Variants in SEC61A2 observed in about 807,000 individuals in gnomAD.
SEC61A2 encodes SEC61 translocon subunit alpha 2, also known as protein transport protein Sec61 subunit alpha isoform 2.
Under a neutral mutation model 59.9 loss-of-function variants are expected in SEC61A2, and 28 were observed. The ratio of observed to expected loss-of-function variants is 0.47; its 90% confidence interval spans 0.35 to 0.64. SEC61A2 has a LOEUF of 0.64. Among genes scored for constraint, SEC61A2 ranks in the 30% least tolerant of loss-of-function variants. The pLI is 0.01. For missense variants in SEC61A2, 340 were observed against 585.9 expected (o/e 0.58, Z 4.33); for synonymous variants, 202 against 214.4 (o/e 0.94, Z 0.50).
In SEC61A2 at chr10:12,157,050, G is replaced by C; in HGVS notation, c.760G>C (p.Val254Leu). 1.2e-6 allele frequency: 2 copies of C among 1,613,902 alleles called. No individual in the cohort carries two copies. Among genetic ancestry groups the C allele is most frequent in the East Asian group, 4.5e-5 (2 of 44,882 alleles). ...NLIATVFVFA[V>L]VIYFQGFRVD... ...CATTGCTACAGTTTTTGTGTTTGCT[G>C]TTGTTATATATTTCCAAGTAAGTAT... The change falls in exon 8 of 12, where the codon GTT becomes CTT. Residue 254 changes from valine to leucine, a missense_variant. Coordinates refer to ENST00000298428, the MANE Select transcript of SEC61A2 (RefSeq NM_018144.4).
At chr10:12,169,210 T>C, downstream of SEC61A2, 1 of 1,305,812 alleles carries the variant, frequency 7.7e-7, no homozygotes, top group East Asian at 2.5e-5. The surrounding 1 kb of genome is among the most constrained non-coding windows in gnomAD (Gnocchi z 4.8). Flanking sequence ...ATAGTAGCCC[T>C]CTCTCCACCT....
Position 12,149,841 on chromosome 10 carries a change from A to G in SEC61A2, c.353-11A>G, listed in dbSNP as rs376045940. 5 of 1,612,422 alleles carry G rather than the reference A, an allele frequency of 3.1e-6. No individual in the cohort carries two copies. The highest frequency in any genetic ancestry group is 1.1e-5 in the South Asian group (1 of 90,980). ...GTAAGCGTGCTCTCCTTTCCCCCCA[A>G]CTTTCATCAGTGTTTGGTATGATCA... On this transcript the variant is annotated splice_polypyrimidine_tract_variant and intron_variant, in intron 5 of 11. Coordinates refer to ENST00000298428, the MANE Select transcript of SEC61A2 (RefSeq NM_018144.4). This position sits in a 1 kb window ranked among gnomAD's most constrained non-coding sequence, Gnocchi z 5.2.
At position 12,160,950 on chromosome 10, in the gene SEC61A2, C is replaced by T. The variant is rs773109987; in HGVS notation, c.996C>T (p.Pro332=). 1.1e-5 allele frequency: 18 copies of T among 1,613,382 alleles called. No individual in the cohort carries two copies. The highest frequency in any genetic ancestry group is 9.3e-5 in the African/African-American group (7 of 74,878). The stretch of plus-strand genomic sequence containing the variant: ...TGTAGGATGTCAGTGGGGGAGGACC[C>T]GCACGTTCTTACCCAGTTGGAGGCC... ...GQWADVSGGG[P]ARSYPVGGLC... Residue 332 remains proline (P), a synonymous_variant, in exon 10 of 12, where the codon CCC becomes CCT. Transcript: ENST00000298428. The surrounding 1 kb of genome is among the most constrained non-coding windows in gnomAD (Gnocchi z 4.1).
chr10:12,155,217 C>T lies in SEC61A2; in HGVS notation c.463-561C>T, dbSNP rs866781075. 1.3e-5 allele frequency: 10 copies of T among 787,736 alleles called. No homozygotes were observed. The highest frequency in any genetic ancestry group is 3.5e-5 in the South Asian group (1 of 28,408). 48.8% of individuals were successfully genotyped at this position (787,736 alleles called of 1,614,324 possible). ...GCATTTTTACATTGCTGCTCGAGTA[C>T]GTATTTGAGTACATATTTGTGTTCT... On this transcript the variant is annotated intron_variant, in intron 6 of 11. Transcript: ENST00000298428. This position sits in a 1 kb window ranked among gnomAD's most constrained non-coding sequence, Gnocchi z 4.3.
At chr10:12,159,861 A>G (rs958832527) in intron 9 of SEC61A2, among the ~76,000 whole-genome samples, 1 of 152,068 alleles carries the variant, frequency 6.6e-6, no homozygotes, top group African/African-American at 2.4e-5. Flanking sequence ...TATAAGTTAC[A>G]AAGACTCATA....
In SEC61A2 at chr10:12,165,388, TAAAGA is replaced by T; in HGVS notation, c.*937_*941del. On this transcript the variant is annotated 3_prime_UTR_variant, in exon 12 of 12. Transcript: ENST00000298428. ...ACTGATTCAGTTGTGTTGGAAAAAA[TAAAGA>T]AATCTGATATTAAACGTTTTCTAAG... The T allele has an allele frequency of 2.1e-6, 2 of 962,854 alleles. No homozygotes were observed. The highest frequency in any genetic ancestry group is 2.5e-6 in the Non-Finnish European group (2 of 809,534). The allele number at this position is 962,854 out of a possible 1,614,324, so 59.6% of individuals were successfully genotyped here.
downstream of SEC61A2, chr10:12,166,486 T>C (rs1324048118): frequency 7.5e-6 from 2 of 267,332 alleles, no homozygotes; most frequent in East Asian, 9.9e-5. Flanking sequence ...GGAAGTCCAG[T>C]GTAAAGATCT....
rs1259715405 is a variant in SEC61A2 at position 12,155,516 on chromosome 10, C to T, written c.463-262C>T. 1.5e-6 allele frequency: 1 copy of T among 682,976 alleles called. No homozygotes were observed. Among genetic ancestry groups the T allele is most frequent in the Non-Finnish European group, 2.4e-6 (1 of 420,056 alleles). 42.3% of individuals were successfully genotyped at this position (682,976 alleles called of 1,614,324 possible). ...CTTTATTTAAACATTGCAAAAGAAACTATTCAGATAAGTGTAAATAGACTT... is the reference window on the plus strand; with the variant it reads ...CTTTATTTAAACATTGCAAAAGAAATTATTCAGATAAGTGTAAATAGACTT... On this transcript the variant is annotated intron_variant, in intron 6 of 11. Coordinates refer to ENST00000298428, the MANE Select transcript of SEC61A2 (RefSeq NM_018144.4). This position sits in a 1 kb window ranked among gnomAD's most constrained non-coding sequence, Gnocchi z 4.3.
downstream of SEC61A2, chr10:12,169,170 T>G (rs1588653020): frequency 1.3e-6 from 1 of 758,314 alleles, no homozygotes. This position sits in a 1 kb window ranked among gnomAD's most constrained non-coding sequence, Gnocchi z 4.8. Flanking sequence ...CTAGGCAACT[T>G]GGTTCTTTTA....
chr10:12,143,256 A>G lies in SEC61A2; in HGVS notation c.220+61A>G. On this transcript the variant is annotated intron_variant, in intron 4 of 11. Transcript: ENST00000298428. The surrounding 1 kb of genome is among the most constrained non-coding windows in gnomAD (Gnocchi z 4.8). ...ACAGCAAACAGATGGAAACATGTGG[A>G]TTAGCAATGAGTTTTCAATGTCTAC... 1 of 1,221,566 alleles carries G rather than the reference A, an allele frequency of 8.2e-7. No individual in the cohort carries two copies. 75.7% of individuals were successfully genotyped at this position (1,221,566 alleles called of 1,614,324 possible).
At position 12,153,260 on chromosome 10, in the gene SEC61A2, C is replaced by G. The variant is rs1834321936; in HGVS notation, c.463-2518C>G. On this transcript the variant is annotated intron_variant, in intron 6 of 11. Transcript: ENST00000298428. This position sits in a 1 kb window ranked among gnomAD's most constrained non-coding sequence, Gnocchi z 5.2. ...CTTTAGGCATTGTTGAGGTTATGGACAGGCCAATTGTTGCCTTCAGTTTTG... is the reference window on the plus strand; with the variant it reads ...CTTTAGGCATTGTTGAGGTTATGGAGAGGCCAATTGTTGCCTTCAGTTTTG... Among the ~76,000 whole-genome samples, 2 of 152,158 alleles carry G rather than the reference C, an allele frequency of 1.3e-5. No individual in the cohort carries two copies. The highest frequency in any genetic ancestry group is 2.9e-5 in the Non-Finnish European group (2 of 68,040).
In SEC61A2 at chr10:12,162,561, A is replaced by C; in HGVS notation, c.1244+272A>C. 1.8e-6 allele frequency: 1 copy of C among 559,908 alleles called. No individual in the cohort carries two copies. The highest frequency in any genetic ancestry group is 3.3e-6 in the Non-Finnish European group (1 of 301,022). 34.7% of individuals were successfully genotyped at this position (559,908 alleles called of 1,614,324 possible). ...GGCTGGCTGCACATACAATCACCAG[A>C]GAGCTTTTAAAAAGGATTTCCCAGG... is the stretch of plus-strand genomic sequence containing the variant. On this transcript the variant is annotated intron_variant, in intron 11 of 11. Coordinates refer to ENST00000298428, the MANE Select transcript of SEC61A2 (RefSeq NM_018144.4). This position sits in a 1 kb window ranked among gnomAD's most constrained non-coding sequence, Gnocchi z 6.1.
rs1564416532 is a variant in SEC61A2 at position 12,160,439 on chromosome 10, A to G, written c.976-491A>G. The stretch of plus-strand genomic sequence containing the variant: ...GTATATAGATAAAAATCCAATTATT[A>G]TATTTATTAAAAGATTGCTCCTTAT... On this transcript the variant is annotated intron_variant, in intron 9 of 11. Transcript: ENST00000298428. The surrounding 1 kb of genome is among the most constrained non-coding windows in gnomAD (Gnocchi z 4.1). 3.9e-5 allele frequency among the ~76,000 whole-genome samples: 6 copies of G among 152,356 alleles called. No individual in the cohort carries two copies. In the South Asian group the frequency reaches 1.2e-3, roughly 32 times the overall value.
chr10:12,130,744 C>A (rs1833714946), intron 1 of SEC61A2: 1 of 154,252 alleles, frequency 6.5e-6, no homozygotes, highest in African/African-American at 2.4e-5. Flanking sequence ...TCCAGAAAAT[C>A]CAAAATATTA....
In SEC61A2 at chr10:12,142,570, A is replaced by G; in HGVS notation, c.142-547A>G. The G allele has an allele frequency of 1.1e-6, 1 of 928,196 alleles. No individual in the cohort carries two copies. Among genetic ancestry groups the G allele is most frequent in the Non-Finnish European group, 1.3e-6 (1 of 777,746 alleles). The allele number at this position is 928,196 out of a possible 1,614,324, so 57.5% of individuals were successfully genotyped here. On this transcript the variant is annotated intron_variant, in intron 3 of 11. Transcript: ENST00000298428. This position sits in a 1 kb window ranked among gnomAD's most constrained non-coding sequence, Gnocchi z 5.4. ...AATCATTCTACGACCAGGCAGGTAT[A>G]ATATTCCATAATCTACTGGTGGGAG...
intron 11 of SEC61A2, among the ~76,000 whole-genome samples, chr10:12,163,152 C>T (rs771526433): frequency 3.9e-5 from 6 of 152,074 alleles, no homozygotes; most frequent in South Asian, 2.1e-4. Context: ...TGCCTGTCCT[C>T]GCCAGCACTA....
intron 4 of SEC61A2, among the ~76,000 whole-genome samples, chr10:12,146,540 C>T (rs755366327): frequency 3.3e-5 from 5 of 151,410 alleles, no homozygotes; most frequent in South Asian, 4.1e-4. Context: ...TTTTTTGAGA[C>T]GGAGTCTCGC....
intron 9 of SEC61A2, among the ~76,000 whole-genome samples, chr10:12,159,167 C>T (rs903585895): frequency 3.3e-5 from 5 of 151,596 alleles, no homozygotes; most frequent in African/African-American, 4.9e-5. Context: ...TTAGTAGAGA[C>T]GGGGTTTAAC....
downstream of SEC61A2, chr10:12,167,919 C>A: frequency 6.6e-7 from 1 of 1,505,778 alleles, no homozygotes; most frequent in Non-Finnish European, 8.8e-7. Context: ...ACTTCCTATG[C>A]TAGATGCTGG....
Sources: allele counts gnomAD v4.1 joint callset (sites outside exome capture counted in the v4.1 genomes callset), GRCh38; gene constraint gnomAD v4.1.1; non-coding constraint Gnocchi (gnomAD v3.1); transcripts MANE v1.5; gene names NCBI Gene and HGNC (gene_info 2026-07-23, HGNC 2026-07-21).